Variants in ZMYM1 observed in about 807,000 individuals in gnomAD.
ZMYM1 encodes the protein zinc finger MYM-type protein 1.
ZMYM1 carries 39 observed loss-of-function variants against 60.0 expected under a neutral mutation model. That is an observed-to-expected ratio of 0.65 (90% CI 0.50 to 0.85). The LOEUF (loss-of-function observed/expected upper bound fraction) is 0.85, where lower values mean the gene tolerates loss of function less well. Ranked by LOEUF, ZMYM1 falls within the 40% of genes least tolerant of loss-of-function variation. The pLI is 0.00. For synonymous variants in ZMYM1, 413 were observed against 454.0 expected (o/e 0.91, Z 1.15); for missense variants, 1,171 against 1,309.5 (o/e 0.89, Z 1.63).
At chr1:35,069,612 G>A (rs2148477727) in intron 1 of ZMYM1, among the ~76,000 whole-genome samples, 2 of 152,088 alleles carry the variant, frequency 1.3e-5, no homozygotes, top group Middle Eastern at 6.8e-3. Context: ...GTCTATTTTT[G>A]TTTTTGTTGC....
chr1:35,115,434 G>A lies in ZMYM1; in HGVS notation c.*175G>A. 1 of 688,076 alleles carries A rather than the reference G, an allele frequency of 1.5e-6. No homozygotes were observed. The highest frequency in any genetic ancestry group is 2.3e-6 in the Non-Finnish European group (1 of 443,584). The allele number at this position is 688,076 out of a possible 1,614,324, so 42.6% of individuals were successfully genotyped here. A position where few individuals can be genotyped will look rare whatever the true frequency, so the allele number is the denominator to read the frequency against. The stretch of plus-strand genomic sequence containing the variant: ...TATCTTTTCCTTAAATATCCCTCTA[G>A]AGGTATTTTTCCTAAGTGGTATTGT... On this transcript the variant is annotated 3_prime_UTR_variant, in exon 10 of 10. Coordinates refer to ENST00000359858, the MANE Select transcript of ZMYM1 (RefSeq NM_024772.5).
upstream of ZMYM1, chr1:35,079,331 C>T (rs1408263862): frequency 6.6e-6 from 1 of 152,230 alleles, no homozygotes; most frequent in African/African-American, 2.4e-5. Context: ...AGCCAGCGGC[C>T]CTGCGCATGC....
At chr1:35,083,794 A>G (rs1642515017) in intron 1 of ZMYM1, among the ~76,000 whole-genome samples, 1 of 151,150 alleles carries the variant, frequency 6.6e-6, no homozygotes, top group Non-Finnish European at 1.5e-5. Context: ...TAATTTTTCT[A>G]ATTTCTTTGT....
chr1:35,073,250 C>A (rs1388551153), intron 1 of ZMYM1, among the ~76,000 whole-genome samples: 7 of 69,226 alleles, frequency 1.0e-4, no homozygotes, highest in South Asian at 5.5e-4. Context: ...AACACTCTGT[C>A]AAAAAAAAAA....
intron 6 of ZMYM1, among the ~76,000 whole-genome samples, chr1:35,106,347 G>T (rs1643888297): frequency 6.6e-6 from 1 of 152,028 alleles, no homozygotes; most frequent in Non-Finnish European, 1.5e-5. Context: ...AGTGGCTGAT[G>T]CCTATAATCC....
rs187657769 is a variant in ZMYM1, at chr1:35,071,134, A to G, written c.-300-7860A>G. On this transcript the variant is annotated intron_variant, in intron 1 of 10. Transcript: ENST00000417119. ...ACTCCTGACCTCAGATGATCCGCCT[A>G]CCTCAGCCTCCCAAAGTGCTGGGAA... Among the ~76,000 whole-genome samples, 541 of 152,024 alleles carry G rather than the reference A, an allele frequency of 3.6e-3. 4 individuals are homozygous for G. The highest frequency in any genetic ancestry group is 5.9e-3 in the Non-Finnish European group (403 of 67,976).
At chr1:35,069,311 T>G (rs934736398) in intron 1 of ZMYM1, among the ~76,000 whole-genome samples, 3 of 152,230 alleles carry the variant, frequency 2.0e-5, no homozygotes, top group Admixed American at 6.5e-5. Context: ...GTTATCTCAT[T>G]GTGATTTTGA....
upstream of ZMYM1, among the ~76,000 whole-genome samples, chr1:35,076,013 C>G (rs1642160245): frequency 6.6e-6 from 1 of 152,158 alleles, no homozygotes; most frequent in Admixed American, 6.6e-5. Flanking sequence ...GGCAAGGGCA[C>G]AATTCAAACC....
At chr1:35,109,764 GA>G (rs1644022683) in intron 6 of ZMYM1, among the ~76,000 whole-genome samples, 1 of 147,478 alleles carries the variant, frequency 6.8e-6, no homozygotes, top group African/African-American at 2.5e-5. Flanking sequence ...TTTTTCCCTT[GA>G]AAAGGAGTTT....
intron 1 of ZMYM1, among the ~76,000 whole-genome samples, chr1:35,066,429 C>T (rs1218607245): frequency 2.0e-5 from 3 of 152,180 alleles, no homozygotes; most frequent in Admixed American, 2.0e-4. Context: ...AACTCCTGAT[C>T]TCAGGTGATC....
In ZMYM1 at chr1:35,114,667, A is replaced by G. The variant is rs1258115921; in HGVS notation, c.2837A>G (p.Asp946Gly). 6.3e-7 allele frequency: 1 copy of G among 1,593,108 alleles called. No homozygotes were observed. ...QKRRKIQKSV[D>G]LGNSDNMFFP... Reference sequence around the variant, plus strand: ...AGAAGAAAAATTCAGAAATCAGTAGATCTTGGCAATTCAGATAATATGTTT... The same window carrying G: ...AGAAGAAAAATTCAGAAATCAGTAGGTCTTGGCAATTCAGATAATATGTTT... Residue 946 changes from aspartate (D) to glycine (G), a missense_variant, in exon 10 of 10, where the codon GAT (aspartate) becomes GGT (glycine). By Grantham distance (94) the Asp-to-Gly change is moderately conservative (BLOSUM62 -1). Transcript: ENST00000359858.
chr1:35,081,800 A>T (rs1192530326), intron 1 of ZMYM1, among the ~76,000 whole-genome samples: 1 of 152,032 alleles, frequency 6.6e-6, no homozygotes, highest in Non-Finnish European at 1.5e-5. Context: ...GGTTCAAGTG[A>T]TTCTCCTGTT....
chr1:35,094,349 C>T (rs1476168023), intron 2 of ZMYM1, among the ~76,000 whole-genome samples: 1 of 152,158 alleles, frequency 6.6e-6, no homozygotes, highest in Non-Finnish European at 1.5e-5. Flanking sequence ...CTAAGGTTAA[C>T]ACTTTTTTTC....
At position 35,113,159 on chromosome 1, in the gene ZMYM1, A is replaced by C. The variant is rs746876442; in HGVS notation, c.1329A>C (p.Thr443=). ...ATGAACTATGTCACCCAAAATGTAC[A>C]TCCAAAGTACAAAAAGTTAAAGGTA... is the stretch of plus-strand genomic sequence containing the variant. ...ISDELCHPKC[T]SKVQKVKGKS... The change falls in exon 10 of 10, where the codon ACA becomes ACC. Residue 443 remains threonine, a synonymous_variant. Transcript: ENST00000359858. 6.2e-7 allele frequency: 1 copy of C among 1,613,842 alleles called. No homozygotes were observed.
chr1:35,060,817 GCCCA>G (rs1557612558), intron 1 of ZMYM1, among the ~76,000 whole-genome samples: 1 of 152,168 alleles, frequency 6.6e-6, no homozygotes, highest in East Asian at 1.9e-4. Flanking sequence ...ACCTCCTAGG[GCCCA>G]GCCCTATGCC....
chr1:35,061,287 C>G (rs1309690228), intron 1 of ZMYM1, among the ~76,000 whole-genome samples: 3 of 152,164 alleles, frequency 2.0e-5, no homozygotes, highest in Non-Finnish European at 4.4e-5. Flanking sequence ...TCAACTTCAG[C>G]ATGTTCATAA....
intron 1 of ZMYM1, among the ~76,000 whole-genome samples, chr1:35,087,379 C>T (rs985138199): frequency 6.6e-6 from 1 of 151,712 alleles, no homozygotes; most frequent in Admixed American, 6.6e-5. Context: ...TGGATGATAT[C>T]CCCTGGAGGT....
intron 1 of ZMYM1, among the ~76,000 whole-genome samples, chr1:35,084,998 G>T (rs1302505298): frequency 6.6e-6 from 1 of 151,810 alleles, no homozygotes; most frequent in Non-Finnish European, 1.5e-5. Context: ...GATTTAGTAT[G>T]CTAAAGGCTA....
chr1:35,110,585 A>C (rs1229230851), intron 7 of ZMYM1, 138 bp downstream of exon 7: 19 of 757,840 alleles, frequency 2.5e-5, no homozygotes, highest in Non-Finnish European at 3.4e-5. Context: ...GTTGCAAAGA[A>C]CTGTTTTTCA....
Sources: allele counts gnomAD v4.1 joint callset (sites outside exome capture counted in the v4.1 genomes callset), GRCh38; gene constraint gnomAD v4.1.1; transcripts MANE v1.5; gene names NCBI Gene and HGNC (gene_info 2026-07-23, HGNC 2026-07-21).